The following SARM1 variants were observed in gnomAD, a reference collection of about 807,000 sequenced individuals.
The protein encoded by SARM1 is NAD(+) hydrolase SARM1.
Under a neutral mutation model 65.1 loss-of-function variants are expected in SARM1, and 60 were observed. The observed-to-expected ratio is 0.92, with a 90% CI of 0.75 to 1.14. The LOEUF (loss-of-function observed/expected upper bound fraction) is 1.14, where lower values mean the gene tolerates loss of function less well. Among genes scored for constraint, SARM1 ranks in the 50% most tolerant of loss-of-function variants. SARM1 has a pLI of 0.00. For missense variants in SARM1, 913 were observed against 1,015.7 expected (o/e 0.90, Z 1.37); for synonymous variants, 417 against 465.4 (o/e 0.90, Z 1.34).
In SARM1 at chr17:28,397,234, T is replaced by C. The variant is rs1239753244; in HGVS notation, c.*948T>C. On this transcript the variant is annotated 3_prime_UTR_variant, in exon 9 of 9. Transcript: ENST00000585482. ...GGCAAAGTCCTGAAAAGGCAAAGGG[T>C]TGTCACTTAGGGCAGCTTCTCCAAC... 6.6e-6 allele frequency: 1 copy of C among 152,534 alleles called. No homozygotes were observed. Among genetic ancestry groups the C allele is most frequent in the Admixed American group, 6.6e-5 (1 of 15,264 alleles). 9.4% of individuals were successfully genotyped at this position (152,534 alleles called of 1,614,324 possible).
chr17:28,387,866 G>T lies in SARM1; in HGVS notation c.1631-308G>T, dbSNP rs2068059911. 1.0e-5 allele frequency: 4 copies of T among 389,006 alleles called. No homozygotes were observed. The South Asian group carries it at 1.3e-4, about 13-fold the overall frequency. 24.1% of individuals were successfully genotyped at this position (389,006 alleles called of 1,614,324 possible). ...AGAAGGAATGAGGGGGAGATTTGGG[G>T]TGTGTTGAATTTGGAGTGATTGTGG... On this transcript the variant is annotated intron_variant, in intron 5 of 8. Coordinates refer to ENST00000585482, the MANE Select transcript of SARM1 (RefSeq NM_015077.4).
intron 1 of SARM1, among the ~76,000 whole-genome samples, chr17:28,380,078 C>G (rs1260005351): frequency 1.7e-4 from 17 of 101,364 alleles, no homozygotes; most frequent in Admixed American, 1.5e-3. Flanking sequence ...TTTTCTGTCT[C>G]TCTCTCTCTT....
chr17:28,402,197 T>A lies in SARM1; in HGVS notation c.*5911T>A, dbSNP rs1555589751. 5 of 1,574,978 alleles carry A rather than the reference T, an allele frequency of 3.2e-6. No individual in the cohort carries two copies. In the Admixed American group the frequency reaches 8.6e-5, roughly 27 times the overall value. ...CCCATCAGCCCGTTTCGGGCAGCAC[T>A]GGACATGAGGAACCAGACACAGGTG... On this transcript the variant is annotated 3_prime_UTR_variant, in exon 9 of 9. Coordinates refer to ENST00000585482, the MANE Select transcript of SARM1 (RefSeq NM_015077.4).
At chr17:28,389,445 A>G (rs2068069809) in intron 7 of SARM1, among the ~76,000 whole-genome samples, 2 of 152,342 alleles carry the variant, frequency 1.3e-5, no homozygotes, top group South Asian at 4.1e-4. Flanking sequence ...CTTATTGAAT[A>G]CTAACAGAAT....
chr17:28,377,644 G>T (rs1425732036), intron 1 of SARM1, among the ~76,000 whole-genome samples: 1 of 152,178 alleles, frequency 6.6e-6, no homozygotes, highest in Non-Finnish European at 1.5e-5. Context: ...TTTGGGCAAG[G>T]ACTCCATTGC....
At chr17:28,380,127 G>A (rs1263759979) in intron 1 of SARM1, among the ~76,000 whole-genome samples, 1 of 90,906 alleles carries the variant, frequency 1.1e-5, no homozygotes, top group Admixed American at 1.7e-4. Context: ...TCACTTTGTT[G>A]TCCAGGATGG....
rs1597830423 is a variant in SARM1 at position 28,400,143 on chromosome 17, C to T, written c.*3857C>T. 4.3e-6 allele frequency: 1 copy of T among 234,162 alleles called. No individual in the cohort carries two copies. Among genetic ancestry groups the T allele is most frequent in the East Asian group, 1.1e-4 (1 of 9,470 alleles). The allele number at this position is 234,162 out of a possible 1,614,324, so 14.5% of individuals were successfully genotyped here. On this transcript the variant is annotated 3_prime_UTR_variant, in exon 9 of 9. Coordinates refer to ENST00000585482, the MANE Select transcript of SARM1 (RefSeq NM_015077.4). ...TTCCCGGGCTCAAGTGGTCCTCCTGCCTCAGCCTCCCACAGGATCGGGATT... is the reference window on the plus strand; with the variant it reads ...TTCCCGGGCTCAAGTGGTCCTCCTGTCTCAGCCTCCCACAGGATCGGGATT...
At chr17:28,374,789 C>A (rs1408747317) in intron 1 of SARM1, among the ~76,000 whole-genome samples, 1 of 151,756 alleles carries the variant, frequency 6.6e-6, no homozygotes, top group Non-Finnish European at 1.5e-5. Flanking sequence ...CCAGCCTGGG[C>A]AACATGGCAA....
chr17:28,373,906 G>T (rs1678164923), intron 1 of SARM1: 1 of 152,170 alleles, frequency 6.6e-6, no homozygotes, highest in East Asian at 1.9e-4. Context: ...AGAAACGCAC[G>T]CTGGTCTCTT....
chr17:28,393,252 T>A (rs939577838), intron 7 of SARM1, among the ~76,000 whole-genome samples: 21 of 152,232 alleles, frequency 1.4e-4, no homozygotes, highest in Non-Finnish European at 2.4e-4. Flanking sequence ...CTGCTTTATA[T>A]ATTAGAAAAC....
At chr17:28,386,022 C>T (rs1438270597) in intron 5 of SARM1, among the ~76,000 whole-genome samples, 7 of 152,036 alleles carry the variant, frequency 4.6e-5, no homozygotes, top group Non-Finnish European at 7.4e-5. Flanking sequence ...GGCCGGGCAC[C>T]GTGGCTCATG....
Position 28,384,399 on chromosome 17 carries a change from G to C in SARM1, c.1132G>C (p.Val378Leu). The C allele has an allele frequency of 6.2e-7, 1 of 1,611,202 alleles. No individual in the cohort carries two copies. The highest frequency in any genetic ancestry group is 8.5e-7 in the Non-Finnish European group (1 of 1,178,392). Residue 378 changes from valine to leucine, a missense_variant, in exon 3 of 9, where the codon GTT (valine) becomes CTT (leucine). Val to Leu is a conservative substitution (Grantham distance 32). Coordinates refer to ENST00000585482, the MANE Select transcript of SARM1 (RefSeq NM_015077.4). This position sits in a 1 kb window ranked among gnomAD's most constrained non-coding sequence, Gnocchi z 4.4. Reference sequence around the variant, plus strand: ...CGCCATCCAGAGCCTGAAACGCCTGGTTTCCTACTCTACCAATGGCACTAA... The same window carrying C: ...CGCCATCCAGAGCCTGAAACGCCTGCTTTCCTACTCTACCAATGGCACTAA... ...IGAIQSLKRL[V>L]SYSTNGTKSA...
Position 28,403,479 on chromosome 17 carries a change from C to T in SARM1, c.*7193C>T, listed in dbSNP as rs1354352394. 1.3e-5 allele frequency: 2 copies of T among 152,278 alleles called. No individual in the cohort carries two copies. The highest frequency in any genetic ancestry group is 4.8e-5 in the African/African-American group (2 of 41,420). The allele number at this position is 152,278 out of a possible 1,614,324, so 9.4% of individuals were successfully genotyped here. ...CAAAGAAGGTATACGATGAGGCATCCAGGGACCCTAGCAGTGTCAGGCCCC... is the reference window on the plus strand; with the variant it reads ...CAAAGAAGGTATACGATGAGGCATCTAGGGACCCTAGCAGTGTCAGGCCCC... On this transcript the variant is annotated 3_prime_UTR_variant, in exon 9 of 9. Transcript: ENST00000585482.
At chr17:28,395,484 T>C (rs969681910) in intron 7 of SARM1, 1 of 174,270 alleles carries the variant, frequency 5.7e-6, no homozygotes, top group East Asian at 1.5e-4. Flanking sequence ...TCATTGGCCA[T>C]TGGTGATTGA....
intron 1 of SARM1, among the ~76,000 whole-genome samples, chr17:28,375,244 T>C (rs1166999545): frequency 6.6e-6 from 1 of 151,976 alleles, no homozygotes. Context: ...ATCCTCAGAG[T>C]AGTTAAATGG....
At position 28,384,582 on chromosome 17, in the gene SARM1, G is replaced by A. The variant is rs1386082130; in HGVS notation, c.1302+13G>A. The A allele has an allele frequency of 1.1e-5, 18 of 1,580,184 alleles. No individual in the cohort carries two copies. The highest frequency in any genetic ancestry group is 1.4e-5 in the Non-Finnish European group (16 of 1,162,998). ...CGAGAGCTTCCGGGTAGAGTCGCGT[G>A]GGATACGCCTCCCCCGAGTCAGAGC... On this transcript the variant is annotated intron_variant, in intron 3 of 8. Transcript: ENST00000585482. This position sits in a 1 kb window ranked among gnomAD's most constrained non-coding sequence, Gnocchi z 4.4.
Position 28,388,422 on chromosome 17 carries a change from G to C in SARM1, c.1806G>C (p.Lys602Asn), listed in dbSNP as rs35201495. Residue 602 changes from lysine (K) to asparagine (N), a missense_variant, in exon 7 of 9, where the codon AAG becomes AAC. By Grantham distance (94) the Lys-to-Asn change is moderately conservative. Transcript: ENST00000585482. ...FIDVEKLEAG[K>N]FEDKLIQSVM... Reference sequence around the variant, plus strand: ...ATGTGGAGAAGCTGGAAGCAGGCAAGTTCGAGGACAAACTCATCCAGAGTG... The same window carrying C: ...ATGTGGAGAAGCTGGAAGCAGGCAACTTCGAGGACAAACTCATCCAGAGTG... The C allele has an allele frequency of 1.6e-4, 257 of 1,614,008 alleles. 1 individual carries two copies. In the African/African-American group the frequency reaches 3.0e-3, roughly 19 times the overall value.
At chr17:28,374,917 G>C (rs1227680818) in intron 1 of SARM1, among the ~76,000 whole-genome samples, 1 of 131,758 alleles carries the variant, frequency 7.6e-6, no homozygotes, top group Non-Finnish European at 1.5e-5. Context: ...AGGTCACAAT[G>C]AGCTGAGATC....
rs2068191325 is a variant in SARM1, at chr17:28,401,012, T to G, written c.*4726T>G. 14 of 512,374 alleles carry G rather than the reference T, an allele frequency of 2.7e-5. No homozygotes were observed. The South Asian group carries it at 3.0e-4, about 11-fold the overall frequency. The allele number at this position is 512,374 out of a possible 1,614,324, so 31.7% of individuals were successfully genotyped here. Reference sequence around the variant, plus strand: ...AAATCCACATTAAAAGTACATGTGATCTGACAGAACCCAGCACATAAAAGA... The same window carrying G: ...AAATCCACATTAAAAGTACATGTGAGCTGACAGAACCCAGCACATAAAAGA... On this transcript the variant is annotated 3_prime_UTR_variant, in exon 9 of 9. Coordinates refer to ENST00000585482, the MANE Select transcript of SARM1 (RefSeq NM_015077.4).
Sources: allele counts gnomAD v4.1 joint callset (sites outside exome capture counted in the v4.1 genomes callset), GRCh38; gene constraint gnomAD v4.1.1; non-coding constraint Gnocchi (gnomAD v3.1); transcripts MANE v1.5; gene names NCBI Gene and HGNC (gene_info 2026-07-23, HGNC 2026-07-21).